GALNTL6: variants seen among roughly 807,000 people sequenced by gnomAD.
The protein encoded by GALNTL6 is polypeptide N-acetylgalactosaminyltransferase like 6, also known as polypeptide N-acetylgalactosaminyltransferase-like 6.
A neutral mutation model predicts 73.7 loss-of-function variants in GALNTL6; 46 were observed. The ratio of observed to expected loss-of-function variants is 0.62; its 90% CI spans 0.49 to 0.80. The LOEUF (loss-of-function observed/expected upper bound fraction) is 0.80. Among genes scored for constraint, GALNTL6 ranks in the 30% least tolerant of loss-of-function variants. The pLI is 0.00. For missense variants in GALNTL6, 604 were observed against 755.0 expected, an observed-to-expected ratio of 0.80 and a Z score of 2.34; for synonymous variants, 259 against 263.7, an observed-to-expected ratio of 0.98 and a Z score of 0.17.
At chr4:172,483,037 G>T (rs1016989618) in intron 5 of GALNTL6, among the ~76,000 whole-genome samples, 1 of 152,004 alleles carries the variant, frequency 6.6e-6, no homozygotes, top group Non-Finnish European at 1.5e-5. Context: ...TCAAAGGAGA[G>T]GACAATTGAA....
intron 8 of GALNTL6, among the ~76,000 whole-genome samples, chr4:172,886,009 T>G (rs1307869624): frequency 1.3e-5 from 2 of 152,206 alleles, no homozygotes; most frequent in Admixed American, 6.5e-5. Context: ...ATAGATTTTT[T>G]TGTGTGTGTA....
intron 2 of GALNTL6, among the ~76,000 whole-genome samples, chr4:172,221,335 T>C (rs1736669478): frequency 6.6e-6 from 1 of 151,652 alleles, no homozygotes; most frequent in East Asian, 1.9e-4. Context: ...CCTTGACGAA[T>C]TGATAGGATG....
intron 2 of GALNTL6, among the ~76,000 whole-genome samples, chr4:171,908,270 A>T (rs1737356811): frequency 6.6e-6 from 1 of 152,124 alleles, no homozygotes; most frequent in Non-Finnish European, 1.5e-5. Flanking sequence ...AATATCCAGA[A>T]TCTATAATGA....
chr4:172,324,336 TGTAAA>T (rs920983752), intron 4 of GALNTL6, among the ~76,000 whole-genome samples: 5 of 151,916 alleles, frequency 3.3e-5, no homozygotes, highest in Non-Finnish European at 5.9e-5. Flanking sequence ...AAGCCAATCA[TGTAAA>T]GTATTTATTT....
chr4:172,214,063 C>T (rs919004996), intron 2 of GALNTL6, among the ~76,000 whole-genome samples: 1 of 152,200 alleles, frequency 6.6e-6, no homozygotes, highest in Admixed American at 6.5e-5. Flanking sequence ...ACTCTCCTTT[C>T]TCCACTGACT....
chr4:171,835,898 TA>T (rs769075596), intron 2 of GALNTL6, among the ~76,000 whole-genome samples: 3 of 151,914 alleles, frequency 2.0e-5, no homozygotes, highest in Admixed American at 6.6e-5. Context: ...TAAACAAAAA[TA>T]AAAAAATATT....
intron 7 of GALNTL6, among the ~76,000 whole-genome samples, chr4:172,829,375 C>G (rs1419590704): frequency 6.6e-6 from 1 of 152,192 alleles, no homozygotes; most frequent in Non-Finnish European, 1.5e-5. Context: ...TGGGCTATAT[C>G]TTTCTTTCTA....
At chr4:172,978,619 G>A (rs939790090) in intron 10 of GALNTL6, among the ~76,000 whole-genome samples, 8 of 152,178 alleles carry the variant, frequency 5.3e-5, no homozygotes, top group African/African-American at 1.7e-4. Flanking sequence ...ATTTCAGTGC[G>A]TAAAATGAGC....
rs188020315 is a variant in GALNTL6 at position 172,815,088 on chromosome 4, T to A, written c.923+1365T>A. Among the ~76,000 whole-genome samples the A allele has an allele frequency of 4.6e-3, 701 of 152,296 alleles. 5 individuals carry two copies. The highest frequency in any genetic ancestry group is 0.016 in the African/African-American group (660 of 41,560). Reference sequence around the variant, plus strand: ...ATTTGAAGTGAGCTTAGCTGAGAGATGTTCTTCAGACTTCTCTGAAGGCAA... The same window carrying A: ...ATTTGAAGTGAGCTTAGCTGAGAGAAGTTCTTCAGACTTCTCTGAAGGCAA... On this transcript the variant is annotated intron_variant, in intron 7 of 12. Transcript: ENST00000506823.
Position 172,539,957 on chromosome 4 carries a change from G to A in GALNTL6, c.553+191268G>A, listed in dbSNP as rs1483201152. ...TGTCCTTATAAGCTAGGCTGTCAGT[G>A]TCCCCATTATAGACATGAATAAACT... On this transcript the variant is annotated intron_variant, in intron 5 of 12. Transcript: ENST00000506823. Among the ~76,000 whole-genome samples, 11 of 146,834 alleles carry A rather than the reference G, an allele frequency of 7.5e-5. No homozygotes were observed. In the Admixed American group the frequency reaches 7.5e-4, roughly 10 times the overall value.
At chr4:171,817,671 A>G (rs1032093821) in intron 2 of GALNTL6, among the ~76,000 whole-genome samples, 1 of 151,750 alleles carries the variant, frequency 6.6e-6, no homozygotes, top group African/African-American at 2.4e-5. Context: ...ATATTTTAAA[A>G]TCTTCTGCAT....
At chr4:171,970,452 TGAC>T (rs1333063003) in intron 2 of GALNTL6, among the ~76,000 whole-genome samples, 3 of 152,222 alleles carry the variant, frequency 2.0e-5, no homozygotes, top group African/African-American at 7.2e-5. Context: ...TTCAATAAAA[TGAC>T]AGAAATCTGG....
intron 5 of GALNTL6, among the ~76,000 whole-genome samples, chr4:172,469,524 T>C (rs1449575518): frequency 6.6e-6 from 1 of 152,008 alleles, no homozygotes; most frequent in Admixed American, 6.6e-5. Context: ...ACTTTGGAGG[T>C]TGAGGCAGGA....
rs570275234 is a variant in GALNTL6 at position 172,247,216 on chromosome 4, A to C, written c.247+17452A>C. Among the ~76,000 whole-genome samples, 3 of 152,258 alleles carry C rather than the reference A, an allele frequency of 2.0e-5. No homozygotes were observed. In the East Asian group the frequency reaches 5.8e-4, roughly 29 times the overall value. On this transcript the variant is annotated intron_variant, in intron 3 of 12. Coordinates refer to ENST00000506823, the MANE Select transcript of GALNTL6 (RefSeq NM_001034845.3). ...TTATTTTACTCTGGCTGCTGCACTG[A>C]CAATTGATGTTTGACAGCCACCCAA...
intron 5 of GALNTL6, among the ~76,000 whole-genome samples, chr4:172,493,129 A>G (rs1312617994): frequency 1.3e-5 from 2 of 152,320 alleles, no homozygotes; most frequent in Non-Finnish European, 2.9e-5. Context: ...AAATATACCC[A>G]TACATAATAA....
chr4:172,020,658 G>A (rs1202284189), intron 2 of GALNTL6, among the ~76,000 whole-genome samples: 3 of 151,366 alleles, frequency 2.0e-5, no homozygotes, highest in Non-Finnish European at 4.4e-5. Context: ...CAAGATCAAA[G>A]CCATAATAAG....
intron 5 of GALNTL6, among the ~76,000 whole-genome samples, chr4:172,599,422 G>GA (rs1737975334): frequency 1.3e-5 from 2 of 152,040 alleles, no homozygotes; most frequent in South Asian, 4.2e-4. Flanking sequence ...TCTAACTTGG[G>GA]AAAAATATTT....
intron 5 of GALNTL6, among the ~76,000 whole-genome samples, chr4:172,673,814 T>A (rs1197814949): frequency 2.0e-5 from 3 of 152,212 alleles, no homozygotes; most frequent in Admixed American, 1.3e-4. Flanking sequence ...CTGTTTTCCA[T>A]TTGCTTGTTG....
chr4:172,830,388 A>T (rs970655050), intron 7 of GALNTL6, among the ~76,000 whole-genome samples: 15 of 152,232 alleles, frequency 9.9e-5, no homozygotes, highest in African/African-American at 3.6e-4. Context: ...TGCTGAAGTG[A>T]GCCTAAAATA....
Sources: allele counts gnomAD v4.1 joint callset (sites outside exome capture counted in the v4.1 genomes callset), GRCh38; gene constraint gnomAD v4.1.1; transcripts MANE v1.5; gene names NCBI Gene and HGNC (gene_info 2026-07-23, HGNC 2026-07-21).